STX18: variants seen among roughly 807,000 people sequenced by gnomAD.
The protein encoded by STX18 is syntaxin-18.
In STX18, 40 loss-of-function variants were observed where a neutral mutation model predicts 50.1. That is an observed-to-expected ratio of 0.80 (90% CI 0.62 to 1.04). The LOEUF (loss-of-function observed/expected upper bound fraction) is 1.04. STX18 is among the 50% of genes least tolerant of loss of function. The pLI, the probability that STX18 is intolerant of heterozygous loss-of-function variation, is 0.00. For missense variants in STX18, 410 were observed against 415.8 expected (o/e 0.99, Z 0.12); for synonymous variants, 158 against 151.8 (o/e 1.04, Z -0.30).
chr4:4,524,040 AT>A (rs999119861), intron 1 of STX18, among the ~76,000 whole-genome samples: 10 of 152,038 alleles, frequency 6.6e-5, no homozygotes, highest in Non-Finnish European at 1.2e-4. Context: ...CTCTAAGTCT[AT>A]TTTTTTCCCT....
chr4:4,438,811 C>T (rs532341128), intron 5 of STX18, among the ~76,000 whole-genome samples: 3 of 152,064 alleles, frequency 2.0e-5, no homozygotes, highest in African/African-American at 4.8e-5. Flanking sequence ...GACTGACACA[C>T]CGCACTCAAC....
At chr4:4,504,909 T>A (rs531884659) in intron 1 of STX18, among the ~76,000 whole-genome samples, 1 of 151,726 alleles carries the variant, frequency 6.6e-6, no homozygotes, top group Non-Finnish European at 1.5e-5. Context: ...AAAAAAAAAA[T>A]AGTAGCCTTA....
intron 1 of STX18, among the ~76,000 whole-genome samples, chr4:4,527,471 A>G (rs1206644739): frequency 6.6e-6 from 1 of 152,154 alleles, no homozygotes; most frequent in Non-Finnish European, 1.5e-5. Flanking sequence ...TCAAGTGTTC[A>G]TTATATAATT....
At position 4,438,528 on chromosome 4, in the gene STX18, C is replaced by T; in HGVS notation, c.498-19G>A. ...CTTAGATCTAAAAATAAATAATTAG[C>T]AGGCAGGTATTTTATTTCCATAACA... On this transcript the variant is annotated intron_variant, in intron 5 of 10. Coordinates refer to ENST00000306200, the MANE Select transcript of STX18 (RefSeq NM_016930.4). 6.4e-7 allele frequency: 1 copy of T among 1,569,622 alleles called. No individual in the cohort carries two copies. The highest frequency in any genetic ancestry group is 2.2e-5 in the East Asian group (1 of 44,662).
intron 5 of STX18, among the ~76,000 whole-genome samples, chr4:4,450,309 C>T (rs1420825112): frequency 6.6e-6 from 1 of 152,114 alleles, no homozygotes; most frequent in Non-Finnish European, 1.5e-5. Context: ...AGTGAGAAAC[C>T]TAGCTTTCAA....
intron 1 of STX18, among the ~76,000 whole-genome samples, chr4:4,537,105 A>T (rs1425537502): frequency 1.3e-5 from 2 of 152,096 alleles, no homozygotes; most frequent in Non-Finnish European, 2.9e-5. Flanking sequence ...TTTCTTGCTT[A>T]CCTGTGTGGT....
intron 2 of STX18, among the ~76,000 whole-genome samples, chr4:4,465,132 T>A (rs991364906): frequency 5.3e-5 from 8 of 152,210 alleles, no homozygotes; most frequent in Non-Finnish European, 1.0e-4. Flanking sequence ...AAGTTTTATC[T>A]TTGTTCTGTT....
chr4:4,541,950 G>A lies in STX18; in HGVS notation c.15C>T (p.Ile5=). The change falls in exon 1 of 11, where the codon ATC becomes ATT. Residue 5 remains isoleucine, a synonymous_variant. Coordinates refer to ENST00000306200, the MANE Select transcript of STX18 (RefSeq NM_016930.4). ...TGACGCTGGCCCGGAATAGCAGCGTGATGTCCACCGCCATAGCGACCCGCA... is the reference window on the plus strand; with the variant it reads ...TGACGCTGGCCCGGAATAGCAGCGTAATGTCCACCGCCATAGCGACCCGCA... The part of the protein sequence containing the change: MAVD[I]TLLFRASVKT... 2 of 1,605,090 alleles carry A rather than the reference G, an allele frequency of 1.2e-6. No homozygotes were observed. Among genetic ancestry groups the A allele is most frequent in the Non-Finnish European group, 1.7e-6 (2 of 1,176,782 alleles).
intron 1 of STX18, among the ~76,000 whole-genome samples, chr4:4,512,547 T>C (rs995992109): frequency 4.6e-5 from 7 of 152,148 alleles, no homozygotes; most frequent in Admixed American, 3.9e-4. Flanking sequence ...AGAATAGGTA[T>C]GTGCCACAAT....
intron 5 of STX18, among the ~76,000 whole-genome samples, chr4:4,441,799 A>G (rs1032060292): frequency 6.6e-6 from 1 of 152,236 alleles, no homozygotes; most frequent in African/African-American, 2.4e-5. Flanking sequence ...GAAAAACTGT[A>G]AATAAATATT....
intron 1 of STX18, among the ~76,000 whole-genome samples, chr4:4,473,248 A>G (rs1021465471): frequency 1.3e-5 from 2 of 150,650 alleles, no homozygotes; most frequent in African/African-American, 2.4e-5. Flanking sequence ...CTGCCTTACA[A>G]TCCTGTTCCT....
At chr4:4,439,611 C>A (rs547682665) in intron 5 of STX18, among the ~76,000 whole-genome samples, 17 of 146,630 alleles carry the variant, frequency 1.2e-4, no homozygotes, top group Admixed American at 1.0e-3. Context: ...ACATACCCCC[C>A]AACATATATA....
chr4:4,542,048 T>C lies in STX18; in HGVS notation c.-84A>G. The C allele has an allele frequency of 6.9e-7, 1 of 1,440,612 alleles. No homozygotes were observed. Among genetic ancestry groups the C allele is most frequent in the Non-Finnish European group, 9.2e-7 (1 of 1,085,120 alleles). The allele number at this position is 1,440,612 out of a possible 1,614,324, so 89.2% of individuals were successfully genotyped here. ...GGCGCGAACCCGGCCGCTGAAGGAC[T>C]GGTCCTGCCCCACACGCCTCCCCCC... On this transcript the variant is annotated 5_prime_UTR_variant, in exon 1 of 11. Transcript: ENST00000306200.
chr4:4,420,352 C>T lies in STX18; in HGVS notation c.913-223G>A. ...ATCATTTGGGTCCTGCACAATTCTC[C>T]CTCAACACAACTCTCGGAATCACTC... On this transcript the variant is annotated intron_variant, in intron 10 of 10. Coordinates refer to ENST00000306200, the MANE Select transcript of STX18 (RefSeq NM_016930.4). The surrounding 1 kb of genome is among the most constrained non-coding windows in gnomAD (Gnocchi z 4.3). 2 of 533,394 alleles carry T rather than the reference C, an allele frequency of 3.7e-6. No individual in the cohort carries two copies. Among genetic ancestry groups the T allele is most frequent in the Non-Finnish European group, 3.4e-6 (1 of 295,652 alleles). The allele number at this position is 533,394 out of a possible 1,614,324, so 33.0% of individuals were successfully genotyped here.
chr4:4,475,592 T>A (rs547839800), intron 1 of STX18, among the ~76,000 whole-genome samples: 2 of 152,354 alleles, frequency 1.3e-5, no homozygotes, highest in East Asian at 3.9e-4. Flanking sequence ...AGAGAATGAT[T>A]TGACTGTTTA....
chr4:4,439,008 CATAT>C (rs988421113), intron 5 of STX18, among the ~76,000 whole-genome samples: 1 of 148,716 alleles, frequency 6.7e-6, no homozygotes, highest in Admixed American at 6.7e-5. Flanking sequence ...CACACACACA[CATAT>C]ATACCACATA....
chr4:4,485,649 C>A (rs1728664287), intron 1 of STX18, among the ~76,000 whole-genome samples: 1 of 152,130 alleles, frequency 6.6e-6, no homozygotes, highest in Admixed American at 6.5e-5. Context: ...TTCGCAAGCC[C>A]CATCTCACCC....
intron 1 of STX18, among the ~76,000 whole-genome samples, chr4:4,515,667 T>C (rs781582252): frequency 3.9e-5 from 6 of 152,198 alleles, no homozygotes; most frequent in Non-Finnish European, 7.3e-5. Context: ...GCAGTCTACA[T>C]GTATTTTTGG....
At chr4:4,461,783 T>G (rs1727390736) in intron 2 of STX18, 1 of 444,262 alleles carries the variant, frequency 2.3e-6, no homozygotes, top group Non-Finnish European at 4.5e-6. Flanking sequence ...CATGTTTCTG[T>G]GGGAACCAAC....
Sources: gnomAD v4.1 joint callset for allele counts (sites outside exome capture counted in the v4.1 genomes callset) on GRCh38, gnomAD v4.1.1 for gene constraint, Gnocchi (gnomAD v3.1) non-coding constraint, MANE v1.5 for transcripts, NCBI Gene and HGNC (gene_info 2026-07-23, HGNC 2026-07-21) for gene names.